TTC23L: variants seen among roughly 807,000 people sequenced by gnomAD.
TTC23L encodes the protein tetratricopeptide repeat protein 23-like.
In TTC23L, 42 loss-of-function variants were observed where a neutral mutation model predicts 48.1. That is an observed-to-expected ratio of 0.87 (90% confidence interval 0.68 to 1.13). TTC23L has a LOEUF of 1.13. Among genes scored for constraint, TTC23L ranks in the 50% most tolerant of loss-of-function variants. The probability of loss-of-function intolerance (pLI) is 0.00; values close to 1 mark genes in which losing one functional copy is unlikely to be tolerated. For missense variants in TTC23L, 391 were observed against 421.0 expected (o/e 0.93, Z 0.62); for synonymous variants, 159 against 157.2 (o/e 1.01, Z -0.09).
chr5:34,860,090 G>A (rs911659782), intron 4 of TTC23L, among the ~76,000 whole-genome samples: 1 of 151,794 alleles, frequency 6.6e-6, no homozygotes, highest in African/African-American at 2.4e-5. Flanking sequence ...CTCGTGATCC[G>A]CCCGCCTCGG....
chr5:34,852,341 G>A (rs112243782), intron 4 of TTC23L, among the ~76,000 whole-genome samples: 13,569 of 152,244 alleles, frequency 0.089, 953 homozygotes, highest in South Asian at 0.14. Flanking sequence ...AAGGTAGGAC[G>A]GAAGACACCT....
At chr5:34,849,025 A>G (rs1759452938) in intron 3 of TTC23L, among the ~76,000 whole-genome samples, 1 of 152,206 alleles carries the variant, frequency 6.6e-6, no homozygotes, top group South Asian at 2.1e-4. Context: ...ATGCTAGTGA[A>G]CAATTCATTT....
intron 8 of TTC23L, among the ~76,000 whole-genome samples, chr5:34,871,431 T>C (rs1761459025): frequency 6.6e-6 from 1 of 152,162 alleles, no homozygotes; most frequent in South Asian, 2.1e-4. Flanking sequence ...TAAATACACA[T>C]ACTATGTATG....
chr5:34,901,984 A>G (rs1046848444), downstream of TTC23L, among the ~76,000 whole-genome samples: 2 of 152,218 alleles, frequency 1.3e-5, no homozygotes, highest in African/African-American at 4.8e-5. Flanking sequence ...GAGCAAGTGT[A>G]TATCTAGCGA....
At chr5:34,862,608 A>G (rs933837029) in intron 4 of TTC23L, among the ~76,000 whole-genome samples, 11 of 152,252 alleles carry the variant, frequency 7.2e-5, no homozygotes, top group African/African-American at 2.6e-4. Flanking sequence ...TACGAAGGCT[A>G]ATGTTGAGAG....
chr5:34,915,690 C>G, the TTC23L span: 1 of 1,535,722 alleles, frequency 6.5e-7, no homozygotes, highest in Middle Eastern at 2.1e-4. Context: ...GAAATAGGAG[C>G]GAGCGGCAGC....
At chr5:34,906,902 G>C in the TTC23L span, 1 of 152,034 alleles carries the variant, frequency 6.6e-6, no homozygotes, top group Non-Finnish European at 1.5e-5. Flanking sequence ...TTTTAGGTTT[G>C]TTCTGTTCTT....
chr5:34,908,772 T>C, the TTC23L span: 113,849 of 1,600,262 alleles, frequency 0.071, 4,655 homozygotes, highest in South Asian at 0.12. Context: ...TACTCAAGAC[T>C]CAGATTCAGG....
chr5:34,862,310 GA>G (rs927130394), intron 4 of TTC23L, among the ~76,000 whole-genome samples: 5 of 149,346 alleles, frequency 3.3e-5, no homozygotes, highest in African/African-American at 7.4e-5. Context: ...ATCTTAGATT[GA>G]AAAAAAAAAT....
intron 2 of TTC23L, among the ~76,000 whole-genome samples, chr5:34,841,698 G>A (rs1342210445): frequency 1.3e-5 from 2 of 152,010 alleles, no homozygotes; most frequent in African/African-American, 2.4e-5. Context: ...TTACATTTTT[G>A]TAGAGATGCG....
chr5:34,904,827 C>G, the TTC23L span, among the ~76,000 whole-genome samples: 12 of 152,132 alleles, frequency 7.9e-5, no homozygotes, highest in Non-Finnish European at 1.3e-4. Context: ...CCTAAGGGTA[C>G]AGGCCACAGG....
chr5:34,896,951 T>C lies in TTC23L; in HGVS notation c.*97+76T>C, dbSNP rs1157086019. 1.2e-5 allele frequency: 7 copies of C among 602,586 alleles called. No individual in the cohort carries two copies. In the South Asian group the frequency reaches 1.5e-4, roughly 13 times the overall value. 37.3% of individuals were successfully genotyped at this position (602,586 alleles called of 1,614,324 possible). ...CAAGAAATGCTGATTCCAAGGGATG[T>C]GTGCCAGTTCTCTGGGGGAGGAAGA... is the stretch of plus-strand genomic sequence containing the variant. On this transcript the variant is annotated intron_variant, in intron 10 of 10. Transcript: ENST00000505624.
chr5:34,864,178 C>T (rs993158891), intron 5 of TTC23L, among the ~76,000 whole-genome samples: 9 of 152,126 alleles, frequency 5.9e-5, no homozygotes, highest in African/African-American at 1.9e-4. Flanking sequence ...TTACAGTTTC[C>T]GCTCACTCCT....
intron 4 of TTC23L, among the ~76,000 whole-genome samples, chr5:34,852,326 G>C (rs1369777865): frequency 6.6e-6 from 1 of 152,164 alleles, no homozygotes; most frequent in Non-Finnish European, 1.5e-5. Flanking sequence ...TAGACCCAGG[G>C]GGTTAAGGTA....
At chr5:34,883,670 TAAAAG>T (rs1204641327) in intron 9 of TTC23L, 1 of 152,150 alleles carries the variant, frequency 6.6e-6, no homozygotes, top group African/African-American at 2.4e-5. Flanking sequence ...TTGGATAACC[TAAAAG>T]AAAAGGATAA....
At chr5:34,894,272 G>T (rs1406118058) in intron 9 of TTC23L, among the ~76,000 whole-genome samples, 1 of 151,782 alleles carries the variant, frequency 6.6e-6, no homozygotes, top group East Asian at 1.9e-4. Context: ...GTTTATAATA[G>T]CAAACAATGG....
chr5:34,908,246 T>G, the TTC23L span: 1 of 148,506 alleles, frequency 6.7e-6, no homozygotes, highest in East Asian at 2.0e-4. Context: ...TCATCTCAGC[T>G]CACCACAACC....
intron 8 of TTC23L, among the ~76,000 whole-genome samples, chr5:34,879,269 C>T (rs1762059838): frequency 6.6e-6 from 1 of 152,160 alleles, no homozygotes; most frequent in South Asian, 2.1e-4. Flanking sequence ...AAAGCTGTGA[C>T]TACTATGCAA....
At chr5:34,872,404 A>G (rs549457108) in intron 8 of TTC23L, among the ~76,000 whole-genome samples, 8 of 152,356 alleles carry the variant, frequency 5.3e-5, no homozygotes, top group Admixed American at 1.3e-4. Flanking sequence ...TTAAAAAATG[A>G]TAACACCAGG....
Sources: allele counts gnomAD v4.1 joint callset (sites outside exome capture counted in the v4.1 genomes callset), GRCh38; gene constraint gnomAD v4.1.1; transcripts MANE v1.5; gene names NCBI Gene and HGNC (gene_info 2026-07-23, HGNC 2026-07-21).